The following SNTG1 variants were observed in gnomAD, a reference collection of about 807,000 sequenced individuals.
The protein encoded by SNTG1 is syntrophin gamma 1.
A neutral mutation model predicts 74.7 loss-of-function variants in SNTG1; 39 were observed. That is an observed-to-expected ratio of 0.52 (90% CI 0.40 to 0.68). The LOEUF is 0.68. Ranked by LOEUF, SNTG1 falls within the 30% of genes least tolerant of loss-of-function variation. SNTG1 has a pLI of 0.00. For synonymous variants in SNTG1, 254 were observed against 217.1 expected (o/e 1.17, Z -1.49); for missense variants, 685 against 609.5 (o/e 1.12, Z -1.30).
chr8:50,284,210 A>C (rs2088633606), intron 2 of SNTG1, among the ~76,000 whole-genome samples: 1 of 152,102 alleles, frequency 6.6e-6, no homozygotes. Flanking sequence ...AGATAAACAT[A>C]TTCTTATGAA....
intron 10 of SNTG1, 122 bp from the exon 11 acceptor site, chr8:50,536,556 T>G: frequency 2.6e-6 from 3 of 1,171,024 alleles, no homozygotes; most frequent in Non-Finnish European, 3.6e-6. Flanking sequence ...CTCATGGTAT[T>G]CCATTAAAGT....
At chr8:50,091,550 G>T (rs187156802) in intron 1 of SNTG1, among the ~76,000 whole-genome samples, 1 of 151,990 alleles carries the variant, frequency 6.6e-6, no homozygotes, top group African/African-American at 2.4e-5. Flanking sequence ...TTGTCTTTCT[G>T]TGCCTGGTTT....
intron 11 of SNTG1, among the ~76,000 whole-genome samples, chr8:50,551,980 CTTTG>C (rs2130595581): frequency 6.6e-6 from 1 of 152,184 alleles, no homozygotes; most frequent in Admixed American, 6.5e-5. Flanking sequence ...ATGGGGTTTT[CTTTG>C]TTTGGGGAAT....
At chr8:50,044,454 T>C (rs952232044) in intron 1 of SNTG1, among the ~76,000 whole-genome samples, 3 of 152,330 alleles carry the variant, frequency 2.0e-5, no homozygotes, top group Middle Eastern at 6.8e-3. Flanking sequence ...AGTTGTGATA[T>C]TAATGTCTTC....
At chr8:50,041,783 C>T (rs1468726671) in intron 1 of SNTG1, among the ~76,000 whole-genome samples, 1 of 152,160 alleles carries the variant, frequency 6.6e-6, no homozygotes, top group Non-Finnish European at 1.5e-5. Context: ...AATCTAGACT[C>T]TATGAATTGA....
upstream of SNTG1, chr8:49,910,763 A>C (rs1230314095): frequency 1.3e-5 from 2 of 150,786 alleles, no homozygotes; most frequent in African/African-American, 2.5e-5. Context: ...AAAAGCCAAC[A>C]AAAAAAACAA....
intron 3 of SNTG1, among the ~76,000 whole-genome samples, chr8:50,395,983 G>A (rs2092723951): frequency 6.6e-6 from 1 of 152,124 alleles, no homozygotes; most frequent in Non-Finnish European, 1.5e-5. Context: ...TTGGACAGTG[G>A]TCAAATACTA....
At chr8:50,595,400 A>T (rs1243865807) in intron 13 of SNTG1, among the ~76,000 whole-genome samples, 1 of 152,154 alleles carries the variant, frequency 6.6e-6, no homozygotes, top group South Asian at 2.1e-4. Flanking sequence ...TTTCCCAGGA[A>T]AAAGAGGTGT....
At chr8:50,734,969 A>C (rs1302273816) in intron 17 of SNTG1, among the ~76,000 whole-genome samples, 1 of 145,370 alleles carries the variant, frequency 6.9e-6, no homozygotes, top group African/African-American at 2.5e-5. Flanking sequence ...ATATATCCAT[A>C]TATATCTATC....
intron 2 of SNTG1, among the ~76,000 whole-genome samples, chr8:50,317,265 T>C (rs1276412480): frequency 6.6e-6 from 1 of 152,194 alleles, no homozygotes; most frequent in Non-Finnish European, 1.5e-5. Flanking sequence ...AGGTGAAGTC[T>C]AATTGCCAGG....
At chr8:50,126,840 T>C (rs1449271842) in intron 1 of SNTG1, among the ~76,000 whole-genome samples, 3 of 152,050 alleles carry the variant, frequency 2.0e-5, no homozygotes, top group Admixed American at 6.6e-5. Context: ...CAAGTCTGTA[T>C]TGAAGGTGAG....
At chr8:50,734,990 T>C (rs549005716) in intron 17 of SNTG1, among the ~76,000 whole-genome samples, 93 of 146,602 alleles carry the variant, frequency 6.3e-4, no homozygotes, top group Non-Finnish European at 1.1e-3. Flanking sequence ...CATATATATG[T>C]CCATATATAT....
chr8:50,482,207 T>A (rs1043271323), intron 8 of SNTG1, among the ~76,000 whole-genome samples: 7 of 152,190 alleles, frequency 4.6e-5, no homozygotes, highest in Admixed American at 2.0e-4. Flanking sequence ...ACAGTGATAG[T>A]AGATATGAAA....
intron 11 of SNTG1, 23 bp downstream of exon 11, chr8:50,536,831 T>C (rs2094311485): frequency 6.2e-7 from 1 of 1,611,334 alleles, no homozygotes; most frequent in East Asian, 2.2e-5. Flanking sequence ...TTAGGAGTTA[T>C]GACTGTTTTG....
chr8:50,661,225 A>G (rs2095221552), intron 15 of SNTG1, among the ~76,000 whole-genome samples: 1 of 152,204 alleles, frequency 6.6e-6, no homozygotes, highest in Non-Finnish European at 1.5e-5. Context: ...GAAGACAAAA[A>G]TAGTAAGTAA....
At chr8:50,115,924 C>A (rs971792419) in intron 1 of SNTG1, among the ~76,000 whole-genome samples, 2 of 152,040 alleles carry the variant, frequency 1.3e-5, no homozygotes, top group African/African-American at 4.8e-5. Flanking sequence ...AATAAAATGT[C>A]AGTCATACAC....
chr8:50,694,725 A>G (rs1253462339), intron 15 of SNTG1, among the ~76,000 whole-genome samples: 1 of 152,064 alleles, frequency 6.6e-6, no homozygotes, highest in East Asian at 1.9e-4. Context: ...TAAAATAATC[A>G]TTTACCATGA....
chr8:50,562,670 C>A (rs1585694119), intron 12 of SNTG1, among the ~76,000 whole-genome samples: 2 of 152,240 alleles, frequency 1.3e-5, no homozygotes, highest in South Asian at 4.1e-4. Context: ...GAAACTAATA[C>A]AACATATCTT....
At chr8:50,729,743 G>A (rs2095508370) in intron 17 of SNTG1, among the ~76,000 whole-genome samples, 1 of 152,174 alleles carries the variant, frequency 6.6e-6, no homozygotes, top group South Asian at 2.1e-4. Flanking sequence ...TAGGCAAGAA[G>A]GATAAGCTGA....
Sources: gnomAD v4.1 joint callset for allele counts (sites outside exome capture counted in the v4.1 genomes callset) on GRCh38, gnomAD v4.1.1 for gene constraint, MANE v1.5 for transcripts, NCBI Gene and HGNC (gene_info 2026-07-23, HGNC 2026-07-21) for gene names.